Variants in ST8SIA2 observed in about 807,000 individuals in gnomAD.
The protein encoded by ST8SIA2 is ST8 alpha-N-acetyl-neuraminide alpha-2,8-sialyltransferase 2.
ST8SIA2 carries 22 observed loss-of-function variants against 37.6 expected under a neutral mutation model. The ratio of observed to expected loss-of-function variants is 0.58; its 90% CI spans 0.42 to 0.83. The LOEUF (loss-of-function observed/expected upper bound fraction) is 0.83, where lower values mean the gene tolerates loss of function less well. Ranked by LOEUF, ST8SIA2 falls within the 40% of genes least tolerant of loss-of-function variation. The pLI, the probability that ST8SIA2 is intolerant of heterozygous loss-of-function variation, is 0.00. For missense variants in ST8SIA2, 382 were observed against 484.7 expected (o/e 0.79, Z 1.99); for synonymous variants, 205 against 201.2 (o/e 1.02, Z -0.16).
intron 1 of ST8SIA2, among the ~76,000 whole-genome samples, chr15:92,414,571 A>C (rs2049573389): frequency 6.6e-6 from 1 of 152,242 alleles, no homozygotes; most frequent in African/African-American, 2.4e-5. Flanking sequence ...CAGTTGGAGG[A>C]AGAAAAATGC....
In ST8SIA2 at chr15:92,464,617, G is replaced by T. The variant is rs1567227552; in HGVS notation, c.*232G>T. The T allele has an allele frequency of 1.7e-6, 1 of 581,572 alleles. No homozygotes were observed. The highest frequency in any genetic ancestry group is 3.0e-5 in the East Asian group (1 of 33,564). 36.0% of individuals were successfully genotyped at this position (581,572 alleles called of 1,614,324 possible). A position where few individuals can be genotyped will look rare whatever the true frequency, so the allele number is the denominator to read the frequency against. ...TAGGCAGATAGGCCACAGGAAGAAG[G>T]TGTGGAGAACCCACCTGAACCAGAT... On this transcript the variant is annotated 3_prime_UTR_variant, in exon 6 of 6. Transcript: ENST00000268164.
intron 1 of ST8SIA2, among the ~76,000 whole-genome samples, chr15:92,397,198 A>G (rs1036528321): frequency 6.6e-6 from 1 of 152,238 alleles, no homozygotes; most frequent in Non-Finnish European, 1.5e-5. Flanking sequence ...AAAAAGTGAA[A>G]GAAGAAAGTG....
intron 1 of ST8SIA2, among the ~76,000 whole-genome samples, chr15:92,424,526 C>T (rs1416667731): frequency 1.3e-5 from 2 of 151,992 alleles, no homozygotes; most frequent in African/African-American, 4.8e-5. Context: ...ATTTTTTTAA[C>T]ATACCATTTT....
intron 1 of ST8SIA2, among the ~76,000 whole-genome samples, chr15:92,408,677 T>TTTTATTTATTTATTTA (rs58508323): frequency 2.4e-5 from 3 of 123,080 alleles, no homozygotes; most frequent in Non-Finnish European, 5.0e-5. Context: ...GTTCCATTTT[T>TTTTATTTATTTATTTA]TTTATTTATT....
intron 1 of ST8SIA2, among the ~76,000 whole-genome samples, chr15:92,424,171 C>G (rs1050637866): frequency 6.6e-6 from 1 of 152,210 alleles, no homozygotes; most frequent in Non-Finnish European, 1.5e-5. Flanking sequence ...TTTAAGTTGG[C>G]TCTAGACTCT....
intron 1 of ST8SIA2, among the ~76,000 whole-genome samples, chr15:92,403,068 G>A (rs11074067): frequency 6.6e-6 from 1 of 151,922 alleles, no homozygotes; most frequent in African/African-American, 2.4e-5. Context: ...CAAGGAGATA[G>A]CACATCCCAA....
At chr15:92,410,898 AT>A (rs2049543597) in intron 1 of ST8SIA2, among the ~76,000 whole-genome samples, 3 of 152,168 alleles carry the variant, frequency 2.0e-5, no homozygotes, top group Non-Finnish European at 4.4e-5. Flanking sequence ...AAAGAATGAC[AT>A]TGGTGACCTA....
intron 1 of ST8SIA2, among the ~76,000 whole-genome samples, chr15:92,426,473 T>G (rs73545842): frequency 0.038 from 5,757 of 152,200 alleles, 345 homozygotes; most frequent in African/African-American, 0.13. Context: ...ACCCCTGAGT[T>G]TGAGTAAGAA....
At position 92,444,806 on chromosome 15, in the gene ST8SIA2, T is replaced by C. The variant is rs1209486197; in HGVS notation, c.719T>C (p.Ile240Thr). 6.2e-7 allele frequency: 1 copy of C among 1,614,022 alleles called. No individual in the cohort carries two copies. The highest frequency in any genetic ancestry group is 8.5e-7 in the Non-Finnish European group (1 of 1,180,042). The change falls in exon 5 of 6, where the codon ATC becomes ACC. Residue 240 changes from isoleucine to threonine, a missense_variant. Physicochemically the swap from Ile to Thr is moderately conservative, Grantham distance 89. Coordinates refer to ENST00000268164, the MANE Select transcript of ST8SIA2 (RefSeq NM_006011.4). ...LHSLNGSILW[I>T]PAFMARGGKE... ...AGCCTCAATGGCAGCATCCTGTGGA[T>C]CCCTGCCTTCATGGCCCGGGGCGGC...
chr15:92,441,299 C>A (rs2049799984), intron 4 of ST8SIA2, among the ~76,000 whole-genome samples: 1 of 152,174 alleles, frequency 6.6e-6, no homozygotes, highest in African/African-American at 2.4e-5. Context: ...GCAGAAGCGG[C>A]ATTGGAGTGT....
At chr15:92,403,823 C>T (rs1480198699) in intron 1 of ST8SIA2, among the ~76,000 whole-genome samples, 2 of 152,140 alleles carry the variant, frequency 1.3e-5, no homozygotes, top group African/African-American at 2.4e-5. Context: ...CAGGATGATG[C>T]CCAAATTGTA....
intron 4 of ST8SIA2, among the ~76,000 whole-genome samples, chr15:92,440,607 T>C (rs975962906): frequency 6.6e-6 from 1 of 152,206 alleles, no homozygotes; most frequent in African/African-American, 2.4e-5. Flanking sequence ...CACGTGTCTC[T>C]GGGGTGGACC....
chr15:92,410,734 C>T (rs1296241459), intron 1 of ST8SIA2, among the ~76,000 whole-genome samples: 1 of 152,078 alleles, frequency 6.6e-6, no homozygotes, highest in Non-Finnish European at 1.5e-5. Flanking sequence ...GGTGAGCTGA[C>T]GTGTAATAAA....
chr15:92,445,548 A>G (rs1368246155), intron 5 of ST8SIA2, among the ~76,000 whole-genome samples: 1 of 152,224 alleles, frequency 6.6e-6, no homozygotes, highest in Non-Finnish European at 1.5e-5. Flanking sequence ...AGATCTTCAA[A>G]GGAGCGTCTC....
At chr15:92,414,044 A>G (rs1335035787) in intron 1 of ST8SIA2, among the ~76,000 whole-genome samples, 1 of 152,202 alleles carries the variant, frequency 6.6e-6, no homozygotes, top group Non-Finnish European at 1.5e-5. Flanking sequence ...AGCAAAGAGG[A>G]AAGGACCCAT....
rs775576381 is a variant in ST8SIA2 at position 92,394,032 on chromosome 15, G to A, written c.-33G>A. 6.6e-7 allele frequency: 1 copy of A among 1,524,176 alleles called. No homozygotes were observed. The highest frequency in any genetic ancestry group is 8.8e-7 in the Non-Finnish European group (1 of 1,131,218). 94.4% of individuals were successfully genotyped at this position (1,524,176 alleles called of 1,614,324 possible). A position where few individuals can be genotyped will look rare whatever the true frequency, so the allele number is the denominator to read the frequency against. On this transcript the variant is annotated 5_prime_UTR_variant, in exon 1 of 6. Coordinates refer to ENST00000268164, the MANE Select transcript of ST8SIA2 (RefSeq NM_006011.4). ...CCTCCGGCCCCTGCTCCTCGCGCCG[G>A]CCCGCGTGGGTCCCGGCGGGCGCGA...
At chr15:92,460,464 T>G (rs1359837690) in intron 5 of ST8SIA2, among the ~76,000 whole-genome samples, 1 of 152,224 alleles carries the variant, frequency 6.6e-6, no homozygotes. Flanking sequence ...ATGAATACTT[T>G]GCAGGGATCT....
At chr15:92,459,667 T>G (rs2049944036) in intron 5 of ST8SIA2, among the ~76,000 whole-genome samples, 1 of 152,150 alleles carries the variant, frequency 6.6e-6, no homozygotes. Flanking sequence ...TGGCGCAGTC[T>G]TGTTTCACTG....
chr15:92,421,899 A>C (rs2049637414), intron 1 of ST8SIA2, among the ~76,000 whole-genome samples: 1 of 152,234 alleles, frequency 6.6e-6, no homozygotes, highest in South Asian at 2.1e-4. Context: ...AAGCAAAATC[A>C]TGTGCCCTCC....
Sources: gnomAD v4.1 joint callset for allele counts (sites outside exome capture counted in the v4.1 genomes callset) on GRCh38, gnomAD v4.1.1 for gene constraint, MANE v1.5 for transcripts, NCBI Gene and HGNC (gene_info 2026-07-23, HGNC 2026-07-21) for gene names.